The following SF3B3 variants were observed in gnomAD, a reference collection of about 807,000 sequenced individuals.
The protein encoded by SF3B3 is splicing factor 3b subunit 3.
SF3B3 carries 33 observed loss-of-function variants against 139.2 expected under a neutral mutation model. That is an observed-to-expected ratio of 0.24 (90% CI 0.18 to 0.32). SF3B3 has a LOEUF of 0.32. Among genes scored for constraint, SF3B3 ranks in the 10% least tolerant of loss-of-function variants. SF3B3 has a pLI of 1.00. For synonymous variants in SF3B3, 596 were observed against 563.6 expected (o/e 1.06, Z -0.81); for missense variants, 818 against 1,509.4 (o/e 0.54, Z 7.59).
chr16:70,560,457 C>T lies in SF3B3; in HGVS notation c.2011-12C>T, dbSNP rs2050418698. ...TCCATCAGGCTTCACCTGCTCCTCT[C>T]CTTTTGATTAGAACGGTGTGCTGCT... On this transcript the variant is annotated splice_polypyrimidine_tract_variant and intron_variant, in intron 15 of 25. Coordinates refer to ENST00000302516, the MANE Select transcript of SF3B3 (RefSeq NM_012426.5). The T allele has an allele frequency of 6.2e-7, 1 of 1,612,676 alleles. No individual in the cohort carries two copies. The highest frequency in any genetic ancestry group is 8.5e-7 in the Non-Finnish European group (1 of 1,179,114).
intron 4 of SF3B3, among the ~76,000 whole-genome samples, chr16:70,531,631 C>G (rs11866400): frequency 0.39 from 59,896 of 152,092 alleles, 12,356 homozygotes; most frequent in South Asian, 0.65. Context: ...TTCCAAATGC[C>G]TTACTGAAAT....
At chr16:70,551,636 A>T (rs919149867) in intron 11 of SF3B3, among the ~76,000 whole-genome samples, 8 of 152,138 alleles carry the variant, frequency 5.3e-5, no homozygotes, top group Non-Finnish European at 1.2e-4. Flanking sequence ...TGGGAGGCGG[A>T]GGTTGCAGTG....
chr16:70,545,769 G>A (rs1039063889), intron 10 of SF3B3, among the ~76,000 whole-genome samples: 2 of 152,132 alleles, frequency 1.3e-5, no homozygotes, highest in Non-Finnish European at 2.9e-5. Flanking sequence ...AATGGTACCT[G>A]CCATAAAGAA....
rs540639834 is a variant in SF3B3, at chr16:70,576,756, A to T, written c.*4943A>T. On this transcript the variant is annotated 3_prime_UTR_variant, in exon 26 of 26. Coordinates refer to ENST00000302516, the MANE Select transcript of SF3B3 (RefSeq NM_012426.5). ...AGGCAGCAAAGTCCATGAAGAGAGCACTGTATACAGTCAGATGACCTGGGC... is the reference window on the plus strand; with the variant it reads ...AGGCAGCAAAGTCCATGAAGAGAGCTCTGTATACAGTCAGATGACCTGGGC... The T allele has an allele frequency of 2.0e-5, 3 of 152,242 alleles. No individual in the cohort carries two copies. The highest frequency in any genetic ancestry group is 4.4e-5 in the Non-Finnish European group (3 of 68,050). 9.4% of individuals were successfully genotyped at this position (152,242 alleles called of 1,614,324 possible).
intron 3 of SF3B3, among the ~76,000 whole-genome samples, chr16:70,530,309 C>A (rs2050108968): frequency 6.9e-6 from 1 of 144,524 alleles, no homozygotes; most frequent in African/African-American, 2.7e-5. Flanking sequence ...CCACTATTGT[C>A]TATTCTTTTT....
chr16:70,533,241 G>T (rs2050137786), intron 5 of SF3B3, among the ~76,000 whole-genome samples: 1 of 152,080 alleles, frequency 6.6e-6, no homozygotes, highest in East Asian at 1.9e-4. Flanking sequence ...TATAACCCTA[G>T]CACTTTAGGA....
chr16:70,555,339 GTGTTGGCA>G (rs2050369348), intron 13 of SF3B3, 133 bp downstream of exon 13: 4 of 781,068 alleles, frequency 5.1e-6, no homozygotes, highest in Non-Finnish European at 8.4e-6. Flanking sequence ...TTAGCTGGGC[GTGTTGGCA>G]TGCACCTTGT....
chr16:70,535,779 TG>T (rs2050160375), intron 6 of SF3B3, among the ~76,000 whole-genome samples: 1 of 152,064 alleles, frequency 6.6e-6, no homozygotes, highest in Admixed American at 6.5e-5. Flanking sequence ...ATTTTTATTT[TG>T]AAAATTCCAA....
Position 70,554,450 on chromosome 16 carries a change from G to C in SF3B3, c.1407G>C (p.Glu469Asp). 1.9e-6 allele frequency: 3 copies of C among 1,613,996 alleles called. No individual in the cohort carries two copies. Among genetic ancestry groups the C allele is most frequent in the Non-Finnish European group, 1.7e-6 (2 of 1,179,950 alleles). ...VWTVRRHIED[E>D]FDAYIIVSFV... Reference sequence around the variant, plus strand: ...CTCCCTTCTTTTCTTTTTCAGATGAGTTTGATGCCTACATCATTGTGTCTT... The same window carrying C: ...CTCCCTTCTTTTCTTTTTCAGATGACTTTGATGCCTACATCATTGTGTCTT... Residue 469 changes from glutamate (E) to aspartate (D), a missense_variant, in exon 12 of 26, where the codon GAG becomes GAC. Around this residue, in one of 14 missense-constraint regions of SF3B3, gnomAD observed 31 missense variants for 77.3 expected, o/e 0.40. Coordinates refer to ENST00000302516, the MANE Select transcript of SF3B3 (RefSeq NM_012426.5).
rs762472217 is a variant in SF3B3 at position 70,571,219 on chromosome 16, G to A, written c.3513+20G>A. 3.3e-6 allele frequency: 5 copies of A among 1,522,886 alleles called. No homozygotes were observed. Among genetic ancestry groups the A allele is most frequent in the Non-Finnish European group, 4.6e-6 (5 of 1,096,800 alleles). 94.3% of individuals were successfully genotyped at this position (1,522,886 alleles called of 1,614,324 possible). A position where few individuals can be genotyped will look rare whatever the true frequency, so the allele number is the denominator to read the frequency against. On this transcript the variant is annotated intron_variant, in intron 25 of 25. Transcript: ENST00000302516. ...GTGAAGGTAGGTTGGGGGAATCTGA[G>A]CTGAAAAGGGAGATCTGAGAAAGGA...
intron 21 of SF3B3, 116 bp downstream of exon 21, chr16:70,567,652 C>A: frequency 8.1e-7 from 1 of 1,236,454 alleles, no homozygotes; most frequent in Non-Finnish European, 1.1e-6. Context: ...TGTTGTGTTA[C>A]CCCAATTCCA....
intron 17 of SF3B3, chr16:70,563,617 A>G (rs900535997): frequency 2.6e-6 from 1 of 382,068 alleles, no homozygotes; most frequent in Non-Finnish European, 4.7e-6. Flanking sequence ...AAAACTTTTG[A>G]CAATCGTTTG....
At chr16:70,560,342 T>G (rs1014222695) in intron 15 of SF3B3, 127 bp from the exon 16 acceptor site, 23 of 981,770 alleles carry the variant, frequency 2.3e-5, no homozygotes, top group African/African-American at 3.3e-5. Context: ...TAGGATCTTT[T>G]TTAAACACCC....
chr16:70,558,325 A>G (rs2050397506), intron 15 of SF3B3, among the ~76,000 whole-genome samples: 3 of 150,690 alleles, frequency 2.0e-5, no homozygotes, highest in East Asian at 3.9e-4. Flanking sequence ...TGTGTTGCTC[A>G]GACTGGTCTT....
intron 10 of SF3B3, among the ~76,000 whole-genome samples, chr16:70,544,879 G>A (rs1300796028): frequency 2.0e-5 from 3 of 152,034 alleles, no homozygotes; most frequent in Non-Finnish European, 2.9e-5. Flanking sequence ...TCCTCAACTT[G>A]TTAGCATGAT....
At chr16:70,536,828 T>TTA (rs2050173350) in intron 6 of SF3B3, among the ~76,000 whole-genome samples, 1 of 148,062 alleles carries the variant, frequency 6.8e-6, no homozygotes, top group African/African-American at 2.5e-5. Flanking sequence ...TTTTTTTTTT[T>TTA]AAGATGGTGT....
Position 70,556,960 on chromosome 16 carries a change from G to T in SF3B3, c.1941G>T (p.Gly647=), listed in dbSNP as rs200137282. ...PESLCIVEMG[G]TEKQDELGER... is the part of the protein sequence containing the mutation. ...CCTTGTGTATCGTGGAAATGGGTGG[G>T]ACTGAGAAGCAGGATGAGCTGGGTG... The change falls in exon 15 of 26, where the codon GGG becomes GGT. Residue 647 remains glycine (G), a synonymous_variant. Transcript: ENST00000302516. The T allele has an allele frequency of 2.6e-5, 42 of 1,613,992 alleles. No individual in the cohort carries two copies. Among genetic ancestry groups the T allele is most frequent in the Non-Finnish European group, 3.5e-5 (41 of 1,180,012 alleles).
intron 4 of SF3B3, 125 bp downstream of exon 4, chr16:70,531,042 G>A (rs1364808247): frequency 2.9e-5 from 22 of 758,574 alleles, no homozygotes; most frequent in Middle Eastern, 3.8e-4. Flanking sequence ...CAAGGCTGGC[G>A]GATCATGAGG....
At position 70,555,188 on chromosome 16, in the gene SF3B3, C is replaced by A; in HGVS notation, c.1692C>A (p.Val564=). The A allele has an allele frequency of 1.2e-6, 2 of 1,613,884 alleles. No individual in the cohort carries two copies. Among genetic ancestry groups the A allele is most frequent in the South Asian group, 2.2e-5 (2 of 91,066 alleles). Residue 564 remains valine (V), a synonymous_variant, in exon 13 of 26, where the codon GTC becomes GTA. Transcript: ENST00000302516. ...TTGCCCTGACAGGAGGAGAGCTGGT[C>A]TATTTCGAGATGGATCCTGTATGTT... ...VVIALTGGEL[V]YFEMDPSGQL... is the part of the protein sequence containing the mutation.
Sources: gnomAD v4.1 joint callset for allele counts (sites outside exome capture counted in the v4.1 genomes callset) on GRCh38, gnomAD v4.1.1 for gene constraint, gnomAD v4.1.1 regional missense constraint, MANE v1.5 for transcripts, NCBI Gene and HGNC (gene_info 2026-07-23, HGNC 2026-07-21) for gene names.